FBXL18: variants seen among roughly 807,000 people sequenced by gnomAD.
FBXL18 encodes the protein F-box/LRR-repeat protein 18.
A neutral mutation model predicts 46.0 loss-of-function variants in FBXL18; 36 were observed. That is an observed-to-expected ratio of 0.78 (90% confidence interval 0.60 to 1.03). FBXL18 has a LOEUF of 1.03. Ranked by LOEUF, FBXL18 falls within the 50% of genes least tolerant of loss-of-function variation. The pLI, the probability that FBXL18 is intolerant of heterozygous loss-of-function variation, is 0.00. For synonymous variants in FBXL18, 557 were observed against 465.3 expected (o/e 1.20, Z -2.54); for missense variants, 977 against 1,004.1 (o/e 0.97, Z 0.36).
chr7:5,494,192 TA>T (rs1784011982), intron 3 of FBXL18, among the ~76,000 whole-genome samples: 1 of 151,612 alleles, frequency 6.6e-6, no homozygotes, highest in Non-Finnish European at 1.5e-5. Flanking sequence ...AAATCGTTTC[TA>T]CCTGGGAGGC....
chr7:5,498,496 G>C (rs556141727), intron 3 of FBXL18, among the ~76,000 whole-genome samples: 6 of 152,166 alleles, frequency 3.9e-5, no homozygotes, highest in Non-Finnish European at 7.3e-5. Context: ...GGCTCTTCGC[G>C]TGTTCTGGCC....
chr7:5,501,947 G>A lies in FBXL18; in HGVS notation c.322C>T (p.Pro108Ser), dbSNP rs760718036. Residue 108 changes from proline to serine, a missense_variant, in exon 3 of 5, where the codon CCT (proline) becomes TCT (serine). Pro to Ser is a moderately conservative substitution (Grantham distance 74). Coordinates refer to ENST00000382368, the MANE Select transcript of FBXL18 (RefSeq NM_024963.6). ...GCCACGTGTTCCACGGTGGAGCCAG[G>A]CAGCCAGTAGCAGCCAGCCATGCTC... is the stretch of plus-strand genomic sequence containing the variant. ...QLSMAGCYWLPGSTVEHVARC... is the reference protein window; with the variant it reads ...QLSMAGCYWLSGSTVEHVARC... 6.2e-7 allele frequency: 1 copy of A among 1,604,236 alleles called. No homozygotes were observed. The highest frequency in any genetic ancestry group is 1.7e-5 in the Admixed American group (1 of 58,788).
intron 1 of FBXL18, among the ~76,000 whole-genome samples, chr7:5,512,694 AC>A (rs754276002): frequency 2.6e-5 from 4 of 152,122 alleles, no homozygotes; most frequent in East Asian, 1.9e-4. Context: ...TTCTTCCCTG[AC>A]CCCAAGCACA....
At chr7:5,460,842 T>C (rs564315207) in intron 4 of FBXL18, among the ~76,000 whole-genome samples, 1 of 152,348 alleles carries the variant, frequency 6.6e-6, no homozygotes, top group South Asian at 2.1e-4. Context: ...GCCGCCCCTC[T>C]GCAGCCCCGA....
chr7:5,465,345 C>T (rs761288668), intron 4 of FBXL18, among the ~76,000 whole-genome samples: 2 of 151,844 alleles, frequency 1.3e-5, no homozygotes, highest in Non-Finnish European at 2.9e-5. Context: ...GGACTACAGG[C>T]GCACACCACC....
At chr7:5,474,733 AGT>A (rs1783482142), downstream of FBXL18, among the ~76,000 whole-genome samples, 1 of 133,018 alleles carries the variant, frequency 7.5e-6, no homozygotes, top group Non-Finnish European at 1.6e-5. Flanking sequence ...TTTGAGACAG[AGT>A]CTCGCTCTGT....
At chr7:5,471,634 T>C (rs1314198795), downstream of FBXL18, among the ~76,000 whole-genome samples, 1 of 152,152 alleles carries the variant, frequency 6.6e-6, no homozygotes, top group Non-Finnish European at 1.5e-5. Flanking sequence ...ATGGTCTCGA[T>C]CTCCTGACCT....
intron 1 of FBXL18, among the ~76,000 whole-genome samples, chr7:5,509,559 G>A (rs1386157009): frequency 6.6e-6 from 1 of 152,000 alleles, no homozygotes; most frequent in Non-Finnish European, 1.5e-5. Context: ...CAGGCGTGGT[G>A]GTGGGCTACT....
chr7:5,491,417 T>C lies in FBXL18; in HGVS notation c.1814A>G (p.Gln605Arg). The change falls in exon 4 of 5, where the codon CAG becomes CGG. Residue 605 changes from glutamine to arginine, a missense_variant. Gln to Arg is a conservative substitution (Grantham distance 43). Transcript: ENST00000382368. ...GCACTGGCTCAGCGCCTGGAAGAAC[T>C]GGGCGTTGGCGCTGAAGTAGGGCTG... ...LEQPYFSANA[Q>R]FFQALSQCPS... 1 of 1,600,578 alleles carries C rather than the reference T, an allele frequency of 6.2e-7. No individual in the cohort carries two copies. The highest frequency in any genetic ancestry group is 8.5e-7 in the Non-Finnish European group (1 of 1,175,110).
At chr7:5,498,815 C>T (rs549588359) in intron 3 of FBXL18, among the ~76,000 whole-genome samples, 2 of 151,934 alleles carry the variant, frequency 1.3e-5, no homozygotes, top group African/African-American at 2.4e-5. Context: ...TTAGATGATC[C>T]GCACACCTTG....
At chr7:5,467,554 A>G (rs1440883261) in intron 4 of FBXL18, among the ~76,000 whole-genome samples, 2 of 151,764 alleles carry the variant, frequency 1.3e-5, no homozygotes, top group African/African-American at 4.8e-5. Flanking sequence ...TCCAAAAAAA[A>G]AAAAAGAAAT....
At chr7:5,457,614 G>C (rs1450107876) in intron 4 of FBXL18, among the ~76,000 whole-genome samples, 2 of 152,224 alleles carry the variant, frequency 1.3e-5, no homozygotes, top group Admixed American at 6.5e-5. Flanking sequence ...CAGCAAGCTA[G>C]AGAATGACTC....
At chr7:5,485,270 G>GA (rs1485573182) in intron 4 of FBXL18, among the ~76,000 whole-genome samples, 1 of 152,194 alleles carries the variant, frequency 6.6e-6, no homozygotes, top group Non-Finnish European at 1.5e-5. Flanking sequence ...GGCAGAGGGG[G>GA]AGTCTCTGTG....
intron 4 of FBXL18, among the ~76,000 whole-genome samples, chr7:5,467,049 TCGATTAAA>T (rs1199883715): frequency 6.6e-6 from 1 of 151,968 alleles, no homozygotes; most frequent in East Asian, 1.9e-4. Flanking sequence ...AAACCCTGTC[TCGATTAAA>T]AATTTAAAAA....
rs368772737 is a variant in FBXL18, at chr7:5,501,210, G to A, written c.1059C>T (p.Cys353=). 51 of 1,612,994 alleles carry A rather than the reference G, an allele frequency of 3.2e-5. No individual in the cohort carries two copies. The African/African-American group carries it at 4.3e-4, about 14-fold the overall frequency. ...RSLASLNLSG[C]VHCLSPDSLL... is the part of the protein sequence containing the mutation. ...GCGAGTCTGGGGACAGGCAGTGGAC[G>A]CAGCCGCTGAGGTTCAAGCTGGCCA... The change falls in exon 3 of 5, where the codon TGC becomes TGT. Residue 353 remains cysteine (C), a synonymous_variant. Transcript: ENST00000382368.
chr7:5,482,175 G>GGCACCC (rs1487412847), intron 4 of FBXL18, among the ~76,000 whole-genome samples: 5 of 152,196 alleles, frequency 3.3e-5, no homozygotes, highest in African/African-American at 1.2e-4. Flanking sequence ...AGGCTCAGGG[G>GGCACCC]GCACCCGCTC....
At chr7:5,510,261 C>T (rs1292577014) in intron 1 of FBXL18, among the ~76,000 whole-genome samples, 6 of 145,942 alleles carry the variant, frequency 4.1e-5, no homozygotes, top group Non-Finnish European at 7.4e-5. Flanking sequence ...CAAGATCGCA[C>T]CACTGCACTC....
downstream of FBXL18, among the ~76,000 whole-genome samples, chr7:5,471,253 C>T (rs1483361916): frequency 5.9e-5 from 9 of 152,200 alleles, no homozygotes; most frequent in South Asian, 4.1e-4. Context: ...CCTCCAGCCA[C>T]GACTCCCGAG....
rs1784266993 is a variant in FBXL18, at chr7:5,501,724, G to C, written c.545C>G (p.Thr182Ser). The change falls in exon 3 of 5, where the codon ACT becomes AGT. Residue 182 changes from threonine (T) to serine (S), a missense_variant. Coordinates refer to ENST00000382368, the MANE Select transcript of FBXL18 (RefSeq NM_024963.6). ...RVRELKQTLF[T>S]PSYGVVPCCT... The stretch of plus-strand genomic sequence containing the variant: ...GCAGGGCACCACGCCGTAGGAGGGA[G>C]TGAACAGCGTCTGCTTGAGCTCCCG... 6.3e-7 allele frequency: 1 copy of C among 1,578,194 alleles called. No individual in the cohort carries two copies. The highest frequency in any genetic ancestry group is 1.3e-5 in the African/African-American group (1 of 74,194).
Sources: allele counts gnomAD v4.1 joint callset (sites outside exome capture counted in the v4.1 genomes callset), GRCh38; gene constraint gnomAD v4.1.1; transcripts MANE v1.5; gene names NCBI Gene and HGNC (gene_info 2026-07-23, HGNC 2026-07-21).